The following AXIN2 variants were observed in gnomAD, a reference collection of about 807,000 sequenced individuals.
AXIN2 encodes the protein axin-2.
A neutral mutation model predicts 74.7 loss-of-function variants in AXIN2; 21 were observed. The observed-to-expected ratio is 0.28, with a 90% CI of 0.20 to 0.40. The LOEUF (loss-of-function observed/expected upper bound fraction) is 0.40, where lower values mean the gene tolerates loss of function less well. AXIN2 is among the 10% of genes least tolerant of loss of function. AXIN2 has a pLI of 1.00. For synonymous variants in AXIN2, 532 were observed against 454.9 expected (o/e 1.17, Z -2.16); for missense variants, 1,144 against 1,111.1 (o/e 1.03, Z -0.42).
intron 2 of AXIN2, among the ~76,000 whole-genome samples, chr17:65,554,345 C>T (rs2044237238): frequency 6.6e-6 from 1 of 152,198 alleles, no homozygotes; most frequent in Admixed American, 6.5e-5. Flanking sequence ...TTCCAAGAGC[C>T]CTCTGAAAAT....
At position 65,541,476 on chromosome 17, in the gene AXIN2, T is replaced by C; in HGVS notation, c.1038A>G (p.Gln346=). The C allele has an allele frequency of 6.2e-7, 1 of 1,614,142 alleles. No homozygotes were observed. Among genetic ancestry groups the C allele is most frequent in the Non-Finnish European group, 8.5e-7 (1 of 1,179,960 alleles). The change falls in exon 4 of 11, where the codon CAA becomes CAG. Residue 346 remains glutamine, a synonymous_variant. Transcript: ENST00000307078. Reference sequence around the variant, plus strand: ...TCACCGGGAAATGAGGTAGAGACACTTGGCCATTGGCCTTCACACTGCGAT... The same window carrying C: ...TCACCGGGAAATGAGGTAGAGACACCTGGCCATTGGCCTTCACACTGCGAT... ...EMHRSVKANG[Q]VSLPHFPRTH...
intron 1 of AXIN2, among the ~76,000 whole-genome samples, chr17:65,559,108 C>A (rs1285932350): frequency 1.3e-5 from 2 of 151,878 alleles, no homozygotes; most frequent in Non-Finnish European, 2.9e-5. Flanking sequence ...GCCTCGCCTT[C>A]CCTCCCTTCC....
chr17:65,541,890 A>T (rs918098844), intron 3 of AXIN2, among the ~76,000 whole-genome samples: 2 of 152,156 alleles, frequency 1.3e-5, no homozygotes, highest in Admixed American at 1.3e-4. Context: ...AGGCTCCCCT[A>T]TTTTACAGGT....
intron 10 of AXIN2, among the ~76,000 whole-genome samples, chr17:65,530,607 G>A (rs1021779548): frequency 6.6e-6 from 1 of 152,204 alleles, no homozygotes; most frequent in African/African-American, 2.4e-5. Flanking sequence ...ACTTCCAGAT[G>A]GTTTAGCAGT....
At chr17:65,555,970 G>T (rs1339712189) in intron 2 of AXIN2, among the ~76,000 whole-genome samples, 1 of 152,038 alleles carries the variant, frequency 6.6e-6, no homozygotes, top group African/African-American at 2.4e-5. Flanking sequence ...TCAATGACAA[G>T]CTGTCACCTC....
rs571695513 is a variant in AXIN2, at chr17:65,551,201, C to T, written c.816-1541G>A. ...GGACGGCTCCCTGGGACAGATGGGA[C>T]TGATGGGACTAATGGGACTAACGGG... On this transcript the variant is annotated intron_variant, in intron 2 of 10. Transcript: ENST00000307078. Among the ~76,000 whole-genome samples, 142 of 152,046 alleles carry T rather than the reference C, an allele frequency of 9.3e-4. 1 individual carries two copies. Among genetic ancestry groups the T allele is most frequent in the African/African-American group, 3.0e-3 (124 of 41,484 alleles).
At chr17:65,557,544 C>T (rs1464558389) in intron 2 of AXIN2, among the ~76,000 whole-genome samples, 4 of 152,166 alleles carry the variant, frequency 2.6e-5, no homozygotes, top group African/African-American at 9.7e-5. Flanking sequence ...GACACTAGCC[C>T]GGGATAATAA....
chr17:65,536,273 C>A, intron 8 of AXIN2, 47 bp downstream of exon 8: 1 of 1,552,372 alleles, frequency 6.4e-7, no homozygotes, highest in Non-Finnish European at 8.7e-7. Flanking sequence ...AGGTCTCCAC[C>A]CAAACCCAAT....
intron 2 of AXIN2, among the ~76,000 whole-genome samples, chr17:65,553,861 G>GA (rs2044229417): frequency 1.3e-4 from 15 of 112,450 alleles, no homozygotes; most frequent in African/African-American, 1.4e-4. Flanking sequence ...GGGGGGGGGA[G>GA]GAAACTCAAA....
At chr17:65,557,782 C>T (rs200303281) in intron 2 of AXIN2, 24 bp downstream of exon 2, 1 of 1,612,024 alleles carries the variant, frequency 6.2e-7, no homozygotes, top group Admixed American at 1.7e-5. Flanking sequence ...AGCATCAGCC[C>T]ACCCGCCCCC....
intron 3 of AXIN2, among the ~76,000 whole-genome samples, chr17:65,546,399 C>G (rs2044119411): frequency 6.6e-6 from 1 of 152,162 alleles, no homozygotes; most frequent in Non-Finnish European, 1.5e-5. Context: ...TCCCGGGTGA[C>G]CGCCCGGTGC....
intron 3 of AXIN2, among the ~76,000 whole-genome samples, chr17:65,543,379 T>G (rs1001413390): frequency 6.6e-6 from 1 of 152,192 alleles, no homozygotes; most frequent in Non-Finnish European, 1.5e-5. Flanking sequence ...GTCTTCACCT[T>G]GGGTAGCTGA....
rs1166574203 is a variant in AXIN2 at position 65,537,997 on chromosome 17, T to TATCCACACGCATATGCAC, written c.1201-180_1201-163dup. ...GCACAGGCCCGCCTACACAAGCACATATCCACACGCATATGCACACCCACA... is the reference window on the plus strand; with the variant it reads ...GCACAGGCCCGCCTACACAAGCACATATCCACACGCATATGCACATCCACACGCATATGCACACCCACA... On this transcript the variant is annotated intron_variant, in intron 5 of 10. Transcript: ENST00000307078. 10 of 1,313,678 alleles carry TATCCACACGCATATGCAC rather than the reference T, an allele frequency of 7.6e-6. No homozygotes were observed. The African/African-American group carries it at 1.5e-4, about 19-fold the overall frequency. 81.4% of individuals were successfully genotyped at this position (1,313,678 alleles called of 1,614,324 possible). A position where few individuals can be genotyped will look rare whatever the true frequency, so the allele number is the denominator to read the frequency against.
At chr17:65,547,652 G>A (rs767610938) in intron 3 of AXIN2, among the ~76,000 whole-genome samples, 3 of 152,158 alleles carry the variant, frequency 2.0e-5, no homozygotes, top group Non-Finnish European at 4.4e-5. Flanking sequence ...AAGTCTTATC[G>A]TCTGACGTAA....
At chr17:65,534,861 C>T (rs1433044516) in intron 9 of AXIN2, among the ~76,000 whole-genome samples, 4 of 152,152 alleles carry the variant, frequency 2.6e-5, no homozygotes, top group East Asian at 1.9e-4. Flanking sequence ...ACCCAGGAGG[C>T]GGAGGCTGCA....
chr17:65,561,173 A>G (rs1042915409), intron 1 of AXIN2: 3 of 149,482 alleles, frequency 2.0e-5, no homozygotes, highest in Admixed American at 2.0e-4. Flanking sequence ...TCCAACAAAA[A>G]CTGCGCTGTG....
chr17:65,531,154 T>C (rs2043808994), intron 10 of AXIN2, among the ~76,000 whole-genome samples: 1 of 151,738 alleles, frequency 6.6e-6, no homozygotes, highest in Non-Finnish European at 1.5e-5. Context: ...AAGCATTTAA[T>C]TGTGTCTCAG....
chr17:65,536,785 A>T, intron 7 of AXIN2, 84 bp downstream of exon 7: 3 of 1,568,728 alleles, frequency 1.9e-6, no homozygotes, highest in Non-Finnish European at 2.6e-6. Flanking sequence ...TATTCCGCGG[A>T]CTGCAAAAAC....
intron 7 of AXIN2, 150 bp downstream of exon 7, chr17:65,536,719 G>A: frequency 1.4e-6 from 2 of 1,399,856 alleles, no homozygotes; most frequent in Admixed American, 1.7e-5. Context: ...ACATTTTTGT[G>A]GTCTGCTCAG....
Sources: gnomAD v4.1 joint callset for allele counts (sites outside exome capture counted in the v4.1 genomes callset) on GRCh38, gnomAD v4.1.1 for gene constraint, MANE v1.5 for transcripts, NCBI Gene and HGNC (gene_info 2026-07-23, HGNC 2026-07-21) for gene names.